Variants in TLE1 observed in about 807,000 individuals in gnomAD.
TLE1 encodes the protein transducin-like enhancer protein 1.
Under a neutral mutation model 89.8 loss-of-function variants are expected in TLE1, and 21 were observed. The observed-to-expected ratio is 0.23, with a 90% CI of 0.17 to 0.34. TLE1 has a LOEUF of 0.34. Ranked by LOEUF, TLE1 falls within the 10% of genes least tolerant of loss-of-function variation. The pLI is 1.00. For synonymous variants in TLE1, 447 were observed against 407.6 expected, an observed-to-expected ratio of 1.10 and a Z score of -1.16; for missense variants, 795 against 1,031.2, an observed-to-expected ratio of 0.77 and a Z score of 3.14.
chr9:81,688,906 G>A lies in TLE1; in HGVS notation c.-666C>T, dbSNP rs1834703837. 6.6e-6 allele frequency: 1 copy of A among 152,470 alleles called. No homozygotes were observed. The highest frequency in any genetic ancestry group is 2.4e-5 in the African/African-American group (1 of 41,478). 9.4% of individuals were successfully genotyped at this position (152,470 alleles called of 1,614,324 possible). ...GGGGAGCGACGGATGACGAGGCGGG[G>A]AAAGTGCGGAGGGCGCGCCGGGAGG... is the stretch of plus-strand genomic sequence containing the variant. On this transcript the variant is annotated 5_prime_UTR_variant, in exon 1 of 20. Transcript: ENST00000376499.
chr9:81,585,348 T>C (rs1293783282), intron 18 of TLE1, among the ~76,000 whole-genome samples, 157 bp downstream of exon 18: 1 of 152,212 alleles, frequency 6.6e-6, no homozygotes, highest in Non-Finnish European at 1.5e-5. Flanking sequence ...GAAACAGACA[T>C]TGCTGTGCTC....
intron 14 of TLE1, among the ~76,000 whole-genome samples, chr9:81,609,781 C>G (rs910997121): frequency 1.3e-5 from 2 of 152,284 alleles, no homozygotes; most frequent in Middle Eastern, 3.4e-3. Context: ...AAAGGTGGCA[C>G]AGAGCTGAGT....
intron 6 of TLE1, among the ~76,000 whole-genome samples, chr9:81,646,573 C>A (rs183003559): frequency 6.6e-6 from 1 of 152,112 alleles, no homozygotes; most frequent in Non-Finnish European, 1.5e-5. Flanking sequence ...GAATAAGAGG[C>A]CAACCTCATC....
intron 1 of TLE1, among the ~76,000 whole-genome samples, chr9:81,687,662 G>A (rs1465847520): frequency 6.6e-6 from 1 of 152,106 alleles, no homozygotes; most frequent in African/African-American, 2.4e-5. Flanking sequence ...CTCCAGGGCG[G>A]ATTGCGCTAA....
At chr9:81,680,947 A>C (rs1028124778) in intron 4 of TLE1, among the ~76,000 whole-genome samples, 3 of 152,142 alleles carry the variant, frequency 2.0e-5, no homozygotes, top group East Asian at 1.9e-4. Flanking sequence ...AAAAACAAAA[A>C]AAACACTAAG....
chr9:81,655,120 C>T (rs1472081420), intron 4 of TLE1, among the ~76,000 whole-genome samples: 2 of 152,078 alleles, frequency 1.3e-5, no homozygotes, highest in African/African-American at 4.8e-5. Flanking sequence ...AATCCCAGCA[C>T]TTTCTGAGGC....
At chr9:81,593,455 AT>A (rs1378402409) in intron 14 of TLE1, among the ~76,000 whole-genome samples, 181 bp from the exon 15 acceptor site, 1 of 152,210 alleles carries the variant, frequency 6.6e-6, no homozygotes, top group Non-Finnish European at 1.5e-5. Flanking sequence ...AAAATAATTA[AT>A]AGCAGAAATC....
intron 6 of TLE1, among the ~76,000 whole-genome samples, chr9:81,639,976 G>T (rs1354165084): frequency 6.6e-6 from 1 of 152,096 alleles, no homozygotes; most frequent in African/African-American, 2.4e-5. Flanking sequence ...TTCTCAAGCA[G>T]AACCAATTTT....
chr9:81,632,475 C>CT (rs11376391), intron 8 of TLE1, among the ~76,000 whole-genome samples: 26,398 of 79,548 alleles, frequency 0.33, 3,191 homozygotes, highest in East Asian at 0.59. Flanking sequence ...TTCAGTATCC[C>CT]TTTTTTTTTT....
chr9:81,627,956 C>T (rs968672916), intron 8 of TLE1, among the ~76,000 whole-genome samples: 23 of 152,066 alleles, frequency 1.5e-4, no homozygotes, highest in Non-Finnish European at 2.2e-4. Flanking sequence ...CGGTGGCTCA[C>T]GCCTGTAATC....
chr9:81,642,709 A>AGAAAGAAAGGAAAGAAAG (rs57827746), intron 6 of TLE1, among the ~76,000 whole-genome samples: 16 of 150,482 alleles, frequency 1.1e-4, no homozygotes, highest in South Asian at 6.3e-4. Context: ...ATGAAAGAAA[A>AGAAAGAAAGGAAAGAAAG]GAAAGAAAGG....
chr9:81,661,182 G>A (rs1016289465), intron 4 of TLE1, among the ~76,000 whole-genome samples: 2 of 117,324 alleles, frequency 1.7e-5, no homozygotes, highest in Non-Finnish European at 3.4e-5. Flanking sequence ...TTATATATAT[G>A]TATTTTTATA....
At chr9:81,622,028 G>C (rs989953757) in intron 8 of TLE1, among the ~76,000 whole-genome samples, 3 of 152,076 alleles carry the variant, frequency 2.0e-5, no homozygotes, top group African/African-American at 7.2e-5. Context: ...CTGGATCCCC[G>C]AACTAATTAC....
intron 8 of TLE1, among the ~76,000 whole-genome samples, chr9:81,622,084 C>T (rs1231831993): frequency 6.6e-6 from 1 of 152,216 alleles, no homozygotes; most frequent in African/African-American, 2.4e-5. Context: ...CCCAGACCCC[C>T]AGCTGACAAG....
At chr9:81,670,898 G>C (rs576404118) in intron 4 of TLE1, among the ~76,000 whole-genome samples, 1 of 152,032 alleles carries the variant, frequency 6.6e-6, no homozygotes, top group Non-Finnish European at 1.5e-5. Flanking sequence ...GCTGGGTGCC[G>C]TGGCTCATGC....
Position 81,616,122 on chromosome 9 carries a change from G to T in TLE1, c.778C>A (p.Pro260Thr). Residue 260 changes from proline (P) to threonine (T), a missense_variant, in exon 11 of 20, where the codon CCG (proline) becomes ACG (threonine). Physicochemically the swap from Pro to Thr is conservative, Grantham distance 38. Coordinates refer to ENST00000376499, the MANE Select transcript of TLE1 (RefSeq NM_005077.5). ...GGCGAGTGGGCAGGGCTTGCTCGCG[G>T]AGAAGAAGGGTCCTCAACAAGCATA... ...VDVSNEDPSS[P>T]RASPAHSPRE... The T allele has an allele frequency of 6.2e-7, 1 of 1,610,978 alleles. No homozygotes were observed. Among genetic ancestry groups the T allele is most frequent in the South Asian group, 1.1e-5 (1 of 90,360 alleles).
intron 16 of TLE1, 79 bp from the exon 17 acceptor site, chr9:81,587,907 C>CATCCCGCCTGT: frequency 4.0e-6 from 3 of 752,286 alleles, no homozygotes; most frequent in Admixed American, 2.9e-5. Context: ...AGTTTTGGAC[C>CATCCCGCCTGT]GTGTGTGTGT....
intron 8 of TLE1, among the ~76,000 whole-genome samples, chr9:81,623,077 C>A (rs959992552): frequency 6.6e-6 from 1 of 152,192 alleles, no homozygotes; most frequent in Admixed American, 6.5e-5. Flanking sequence ...TAATGAGCTT[C>A]GCTGGCAGCA....
chr9:81,651,206 T>C (rs1829485835), intron 6 of TLE1, among the ~76,000 whole-genome samples: 1 of 152,158 alleles, frequency 6.6e-6, no homozygotes, highest in African/African-American at 2.4e-5. Flanking sequence ...CATAAATTGA[T>C]AAATGAGTGA....
Sources: allele counts gnomAD v4.1 joint callset (sites outside exome capture counted in the v4.1 genomes callset), GRCh38; gene constraint gnomAD v4.1.1; transcripts MANE v1.5; gene names NCBI Gene and HGNC (gene_info 2026-07-23, HGNC 2026-07-21).